Variants in EFHD1 observed in about 807,000 individuals in gnomAD.
EFHD1 encodes EF-hand domain-containing protein D1.
In EFHD1, 10 loss-of-function variants were observed where a neutral mutation model predicts 17.2. The ratio of observed to expected loss-of-function variants is 0.58; its 90% CI spans 0.36 to 0.99. The LOEUF is 0.99. Ranked by LOEUF, EFHD1 falls within the 50% of genes least tolerant of loss-of-function variation. The pLI is 0.01. For missense variants in EFHD1, 310 were observed against 327.5 expected (o/e 0.95, Z 0.41); for synonymous variants, 153 against 142.0 (o/e 1.08, Z -0.55).
upstream of EFHD1, among the ~76,000 whole-genome samples, chr2:232,630,797 A>AAAAAAG: frequency 7.2e-6 from 1 of 138,132 alleles, no homozygotes; most frequent in Non-Finnish European, 1.5e-5. Context: ...AAAAAAAAAA[A>AAAAAAG]AAAGAAAGAA....
At chr2:232,628,654 A>T (rs1421991039), upstream of EFHD1, among the ~76,000 whole-genome samples, 1 of 152,180 alleles carries the variant, frequency 6.6e-6, no homozygotes, top group African/African-American at 2.4e-5. Flanking sequence ...TGCCACAGAA[A>T]TGGACTCAAT....
rs1574716619 is a variant in EFHD1, at chr2:232,645,923, CA to C, written c.302+11918del. Among the ~76,000 whole-genome samples the C allele has an allele frequency of 2.0e-5, 3 of 152,272 alleles. No individual in the cohort carries two copies. The East Asian group carries it at 5.8e-4, about 29-fold the overall frequency. On this transcript the variant is annotated intron_variant, in intron 1 of 3. Coordinates refer to ENST00000264059, the MANE Select transcript of EFHD1 (RefSeq NM_025202.4). ...ATGCCCGTCTCACTAATGTTCTTCC[CA>C]CCTCCCAGCTTTCCAGCCTCCAAAT... is the stretch of plus-strand genomic sequence containing the variant.
At chr2:232,609,054 C>CTT (rs1244427931) in intron 1 of EFHD1, among the ~76,000 whole-genome samples, 5,109 of 82,254 alleles carry the variant, frequency 0.062, 409 homozygotes, top group African/African-American at 0.075. Context: ...TGCATAAGTT[C>CTT]TTTTTTTTTT....
intron 1 of EFHD1, among the ~76,000 whole-genome samples, chr2:232,658,932 T>C (rs1408265017): frequency 6.6e-6 from 1 of 152,092 alleles, no homozygotes; most frequent in Non-Finnish European, 1.5e-5. Context: ...AAAAAAAACT[T>C]AGAAAACAGG....
upstream of EFHD1, among the ~76,000 whole-genome samples, chr2:232,631,845 T>C (rs1370148915): frequency 1.3e-5 from 2 of 151,062 alleles, no homozygotes; most frequent in African/African-American, 2.4e-5. Context: ...CTACTAAAAA[T>C]ACAAAAAATT....
At chr2:232,678,539 C>T (rs1163626311) in intron 3 of EFHD1, among the ~76,000 whole-genome samples, 1 of 152,176 alleles carries the variant, frequency 6.6e-6, no homozygotes, top group Non-Finnish European at 1.5e-5. Context: ...AATCCTAGGA[C>T]TTTGGGAGGC....
intron 1 of EFHD1, among the ~76,000 whole-genome samples, chr2:232,659,181 G>C (rs911507879): frequency 6.6e-6 from 1 of 152,114 alleles, no homozygotes; most frequent in Non-Finnish European, 1.5e-5. Context: ...CAGCGATCTT[G>C]TCTGTGTCCT....
intron 1 of EFHD1, among the ~76,000 whole-genome samples, chr2:232,654,314 C>G (rs1426360595): frequency 6.6e-6 from 1 of 151,480 alleles, no homozygotes; most frequent in Non-Finnish European, 1.5e-5. Flanking sequence ...GCCTGGAGAA[C>G]GTTGCAGGCT....
In EFHD1 at chr2:232,623,859, T is replaced by TG. The variant is rs1694065042; in HGVS notation, c.14+17688dup. 2.0e-5 allele frequency among the ~76,000 whole-genome samples: 3 copies of TG among 152,276 alleles called. No homozygotes were observed. In the South Asian group the frequency reaches 6.2e-4, roughly 32 times the overall value. ...TCCTTCAGAGGAAAGCATTGCCTCC[T>TG]GGCCCCCCAGGTGAGAGCTGTGTGC... On this transcript the variant is annotated intron_variant, in intron 1 of 3. Transcript: ENST00000409613.
At chr2:232,610,720 T>G (rs1574696680) in intron 1 of EFHD1, 2 of 151,144 alleles carry the variant, frequency 1.3e-5, no homozygotes, top group East Asian at 3.9e-4. Context: ...TCTGTAAAAA[T>G]TAAAAAATTA....
chr2:232,619,837 A>G (rs1693989265), intron 1 of EFHD1, among the ~76,000 whole-genome samples: 1 of 151,972 alleles, frequency 6.6e-6, no homozygotes, highest in Admixed American at 6.6e-5. Flanking sequence ...TCAAGGCTGC[A>G]TTGAGCTATG....
At chr2:232,617,255 T>C (rs550427156) in intron 1 of EFHD1, among the ~76,000 whole-genome samples, 30 of 152,334 alleles carry the variant, frequency 2.0e-4, no homozygotes, top group African/African-American at 6.5e-4. Flanking sequence ...AAGTCACCAC[T>C]TTTATGAATT....
rs1440940260 is a variant in EFHD1 at position 232,606,564 on chromosome 2, G to A, written c.14+391G>A. On this transcript the variant is annotated intron_variant, in intron 1 of 3. Transcript: ENST00000409613. The stretch of plus-strand genomic sequence containing the variant: ...GCTGGGGCTGGGGGACCCTGAGCAG[G>A]TTCCTCACCTGCACCGACCCTCATC... 5 of 320,598 alleles carry A rather than the reference G, an allele frequency of 1.6e-5. No individual in the cohort carries two copies. The East Asian group carries it at 3.5e-4, about 22-fold the overall frequency. The allele number at this position is 320,598 out of a possible 1,614,324, so 19.9% of individuals were successfully genotyped here.
At chr2:232,650,618 G>T (rs1256704678) in intron 1 of EFHD1, among the ~76,000 whole-genome samples, 1 of 141,406 alleles carries the variant, frequency 7.1e-6, no homozygotes, top group Non-Finnish European at 1.5e-5. Context: ...GCCCAGGCTG[G>T]AGTGCAGTGG....
At chr2:232,657,836 G>C (rs184495260) in intron 1 of EFHD1, among the ~76,000 whole-genome samples, 77 of 146,572 alleles carry the variant, frequency 5.3e-4, no homozygotes, top group African/African-American at 1.8e-3. Flanking sequence ...GAATACTAGT[G>C]TCCAGACTCC....
intron 1 of EFHD1, among the ~76,000 whole-genome samples, chr2:232,643,404 G>A (rs1339033953): frequency 2.6e-5 from 4 of 151,760 alleles, no homozygotes; most frequent in African/African-American, 4.8e-5. Flanking sequence ...CTTTGTTTTC[G>A]TTTGTATTTT....
chr2:232,665,978 C>A (rs929961701), intron 2 of EFHD1, among the ~76,000 whole-genome samples: 9 of 152,230 alleles, frequency 5.9e-5, no homozygotes, highest in Admixed American at 2.6e-4. Context: ...TGAGCCCCCA[C>A]ACCCAACTAG....
chr2:232,611,447 C>G (rs754098065), intron 1 of EFHD1: 1 of 152,152 alleles, frequency 6.6e-6, no homozygotes, highest in Non-Finnish European at 1.5e-5. Context: ...ATCGATGAGA[C>G]GTTCTATCAT....
At chr2:232,662,201 A>G (rs571735181) in intron 1 of EFHD1, among the ~76,000 whole-genome samples, 6 of 152,162 alleles carry the variant, frequency 3.9e-5, no homozygotes, top group African/African-American at 1.4e-4. Flanking sequence ...TAGAGGACAG[A>G]GTCAGAGCCC....
Sources: gnomAD v4.1 joint callset for allele counts (sites outside exome capture counted in the v4.1 genomes callset) on GRCh38, gnomAD v4.1.1 for gene constraint, MANE v1.5 for transcripts, NCBI Gene and HGNC (gene_info 2026-07-23, HGNC 2026-07-21) for gene names.